GULP1: variants seen among roughly 807,000 people sequenced by gnomAD.
The protein encoded by GULP1 is PTB domain-containing engulfment adapter protein 1.
Under a neutral mutation model 40.9 loss-of-function variants are expected in GULP1, and 19 were observed. That is an observed-to-expected ratio of 0.46 (90% CI 0.32 to 0.68). The LOEUF is 0.68. Among genes scored for constraint, GULP1 ranks in the 30% least tolerant of loss-of-function variants. The probability of loss-of-function intolerance (pLI) is 0.03; values close to 1 mark genes in which losing one functional copy is unlikely to be tolerated. For synonymous variants in GULP1, 119 were observed against 117.6 expected (o/e 1.01, Z -0.08); for missense variants, 312 against 362.2 (o/e 0.86, Z 1.12).
chr2:188,304,005 C>T (rs1352306092), intron 1 of GULP1, among the ~76,000 whole-genome samples: 2 of 152,058 alleles, frequency 1.3e-5, no homozygotes, highest in African/African-American at 2.4e-5. Flanking sequence ...TACCCTCTGG[C>T]GACCTTTGCT....
At chr2:188,430,013 G>A (rs933358992) in intron 2 of GULP1, among the ~76,000 whole-genome samples, 1 of 152,090 alleles carries the variant, frequency 6.6e-6, no homozygotes, top group East Asian at 1.9e-4. Context: ...AGTGGAAGCT[G>A]TAAAAAAATT....
At chr2:188,491,283 T>G (rs1366870116) in intron 4 of GULP1, among the ~76,000 whole-genome samples, 2 of 152,014 alleles carry the variant, frequency 1.3e-5, no homozygotes, top group African/African-American at 4.8e-5. Flanking sequence ...TTCCAAAAAG[T>G]AAAAAACATT....
rs567959881 is a variant in GULP1 at position 188,367,640 on chromosome 2, A to G, written c.-171-16123A>G. ...AAGTACATTAAGATTCTAGGAACTCAGAAACAGGTATCAAGATAGAAACGG... is the reference window on the plus strand; with the variant it reads ...AAGTACATTAAGATTCTAGGAACTCGGAAACAGGTATCAAGATAGAAACGG... On this transcript the variant is annotated intron_variant, in intron 1 of 11. Coordinates refer to ENST00000409830, the MANE Select transcript of GULP1 (RefSeq NM_016315.4). 8.5e-5 allele frequency among the ~76,000 whole-genome samples: 13 copies of G among 152,320 alleles called. 1 individual carries two copies. The highest frequency in any genetic ancestry group is 7.8e-4 in the Admixed American group (12 of 15,306).
intron 2 of GULP1, among the ~76,000 whole-genome samples, chr2:188,452,742 G>T (rs574031955): frequency 8.5e-5 from 13 of 152,266 alleles, no homozygotes; most frequent in African/African-American, 2.9e-4. Flanking sequence ...GACAAGGATC[G>T]AGTTTCCCAC....
chr2:188,524,702 G>A (rs7421510), intron 5 of GULP1, among the ~76,000 whole-genome samples: 5,144 of 149,466 alleles, frequency 0.034, 143 homozygotes, highest in African/African-American at 0.081. Context: ...CTACTGGCTC[G>A]CAATGGCCAG....
At chr2:188,476,201 C>G (rs1192071646) in intron 2 of GULP1, among the ~76,000 whole-genome samples, 1 of 152,072 alleles carries the variant, frequency 6.6e-6, no homozygotes, top group Non-Finnish European at 1.5e-5. Context: ...ACCTGAGCTG[C>G]TTATGTTGAC....
intron 4 of GULP1, among the ~76,000 whole-genome samples, chr2:188,504,281 G>A (rs2063703741): frequency 6.6e-6 from 1 of 151,890 alleles, no homozygotes. Context: ...TGGAAAACAT[G>A]ACTGTAGAAA....
chr2:188,292,802 C>A lies in GULP1; in HGVS notation c.-172+636C>A. ...AAGGGGCGGCGTCCACATGGTTACC[C>A]TTCTGCTGCGCGGGTCAAGTAGCTT... On this transcript the variant is annotated intron_variant, in intron 1 of 11. Transcript: ENST00000409830. The surrounding 1 kb of genome is among the most constrained non-coding windows in gnomAD (Gnocchi z 4.0). 6.5e-6 allele frequency: 1 copy of A among 152,818 alleles called. No homozygotes were observed. The highest frequency in any genetic ancestry group is 1.5e-5 in the Non-Finnish European group (1 of 68,468). 9.5% of individuals were successfully genotyped at this position (152,818 alleles called of 1,614,324 possible). A position where few individuals can be genotyped will look rare whatever the true frequency, so the allele number is the denominator to read the frequency against.
At chr2:188,469,311 GC>G (rs2060392110) in intron 2 of GULP1, among the ~76,000 whole-genome samples, 2 of 152,136 alleles carry the variant, frequency 1.3e-5, no homozygotes, top group Non-Finnish European at 2.9e-5. Context: ...AGGGTTCCTT[GC>G]AATAAGCTGT....
chr2:188,499,156 T>C (rs1408959255), intron 4 of GULP1, among the ~76,000 whole-genome samples: 4 of 145,498 alleles, frequency 2.7e-5, no homozygotes, highest in Non-Finnish European at 6.0e-5. Flanking sequence ...TATATATATA[T>C]ATATATATAT....
intron 1 of GULP1, among the ~76,000 whole-genome samples, chr2:188,346,272 C>G (rs1158666746): frequency 6.6e-6 from 1 of 151,988 alleles, no homozygotes; most frequent in East Asian, 1.9e-4. Flanking sequence ...GGCTTGAGCC[C>G]AAAAAGAACT....
intron 4 of GULP1, among the ~76,000 whole-genome samples, chr2:188,510,927 G>C (rs113039911): frequency 1.3e-5 from 2 of 151,994 alleles, no homozygotes; most frequent in African/African-American, 4.8e-5. Flanking sequence ...TGCTTACTTT[G>C]CAGTTCATTG....
At chr2:188,362,304 G>T in intron 1 of GULP1, among the ~76,000 whole-genome samples, 1 of 152,014 alleles carries the variant, frequency 6.6e-6, no homozygotes, top group East Asian at 1.9e-4. Context: ...TTATAACATT[G>T]TTTAAATATG....
chr2:188,516,776 G>A (rs560744820), intron 4 of GULP1, among the ~76,000 whole-genome samples: 1 of 152,094 alleles, frequency 6.6e-6, no homozygotes, highest in Non-Finnish European at 1.5e-5. Flanking sequence ...ACCAAATTTC[G>A]AAAAACACTA....
intron 2 of GULP1, among the ~76,000 whole-genome samples, chr2:188,427,660 T>G (rs1559229198): frequency 6.6e-6 from 1 of 152,210 alleles, no homozygotes; most frequent in Non-Finnish European, 1.5e-5. Flanking sequence ...ATATACAGTC[T>G]TAAGAGTTGA....
intron 3 of GULP1, 41 bp downstream of exon 3, chr2:188,477,771 T>A (rs749930031): frequency 2.7e-6 from 4 of 1,485,142 alleles, no homozygotes; most frequent in Non-Finnish European, 3.7e-6. Context: ...GTCAAGCCAA[T>A]GTTGCTATGA....
intron 2 of GULP1, among the ~76,000 whole-genome samples, chr2:188,456,773 A>G (rs2059305160): frequency 6.6e-6 from 1 of 152,100 alleles, no homozygotes. Context: ...TGTACCGTGC[A>G]CCTGGAAAAG....
At chr2:188,573,071 C>A (rs1408803584) in intron 9 of GULP1, among the ~76,000 whole-genome samples, 1 of 151,998 alleles carries the variant, frequency 6.6e-6, no homozygotes, top group Non-Finnish European at 1.5e-5. Flanking sequence ...AACTCAAGAG[C>A]ATTTTAAAAT....
In GULP1 at chr2:188,584,381, A is replaced by C. The variant is rs778254562; in HGVS notation, c.726A>C (p.Val242=). ...GCAATGGCACACAGCCACCTCCAGT[A>C]CCTAGTAGATCTACTGAGATTAGTA... ...PTRNGTQPPP[V]PSRSTEIKRD... Residue 242 remains valine, a synonymous_variant, in exon 10 of 12, where the codon GTA becomes GTC. Transcript: ENST00000409830. The C allele has an allele frequency of 6.2e-7, 1 of 1,602,574 alleles. No homozygotes were observed. The highest frequency in any genetic ancestry group is 8.5e-7 in the Non-Finnish European group (1 of 1,171,112).
Sources: allele counts gnomAD v4.1 joint callset (sites outside exome capture counted in the v4.1 genomes callset), GRCh38; gene constraint gnomAD v4.1.1; non-coding constraint Gnocchi (gnomAD v3.1); transcripts MANE v1.5; gene names NCBI Gene and HGNC (gene_info 2026-07-23, HGNC 2026-07-21).